Variants in GHR observed in about 807,000 individuals in gnomAD.
GHR encodes growth hormone receptor, also known as GH receptor.
In GHR, 35 loss-of-function variants were observed where a neutral mutation model predicts 67.1. The observed-to-expected ratio is 0.52, with a 90% CI of 0.40 to 0.69. GHR has a LOEUF of 0.69. Ranked by LOEUF, GHR falls within the 30% of genes least tolerant of loss-of-function variation. The probability of loss-of-function intolerance (pLI) is 0.00; values close to 1 mark genes in which losing one functional copy is unlikely to be tolerated. For missense variants in GHR, 792 were observed against 764.6 expected (o/e 1.04, Z -0.42); for synonymous variants, 272 against 269.1 (o/e 1.01, Z -0.10).
chr5:42,467,880 T>G (rs1744806356), intron 1 of GHR: 1 of 846,278 alleles, frequency 1.2e-6, no homozygotes, highest in African/African-American at 1.7e-5. Flanking sequence ...ACAGATTTCT[T>G]ACATTTCTGG....
intron 1 of GHR, among the ~76,000 whole-genome samples, chr5:42,515,724 A>G (rs1199827620): frequency 6.6e-6 from 1 of 152,246 alleles, no homozygotes; most frequent in Non-Finnish European, 1.5e-5. Context: ...TTAGCTGGAG[A>G]AAATTTAGTG....
chr5:42,427,875 T>C (rs1325579009), intron 1 of GHR, among the ~76,000 whole-genome samples: 1 of 152,194 alleles, frequency 6.6e-6, no homozygotes, highest in African/African-American at 2.4e-5. Context: ...AACCTTAAAG[T>C]TCTGAAATGA....
chr5:42,647,897 A>G (rs1208047519), intron 3 of GHR: 1 of 210,174 alleles, frequency 4.8e-6, no homozygotes, highest in East Asian at 1.4e-4. Context: ...TTATGCTCCC[A>G]TAAATTAAGT....
intron 1 of GHR, among the ~76,000 whole-genome samples, chr5:42,454,612 T>C (rs1744183798): frequency 4.6e-5 from 7 of 152,124 alleles, no homozygotes; most frequent in Admixed American, 4.6e-4. Flanking sequence ...GCTGCCTCTG[T>C]GGCACAGAAT....
intron 3 of GHR, among the ~76,000 whole-genome samples, chr5:42,679,104 T>C (rs1231587253): frequency 1.4e-5 from 2 of 145,192 alleles, no homozygotes; most frequent in East Asian, 1.9e-4. Context: ...TATGTATTAA[T>C]ATATTATTAT....
intron 3 of GHR, among the ~76,000 whole-genome samples, chr5:42,643,320 G>A (rs997080591): frequency 3.3e-5 from 5 of 152,168 alleles, no homozygotes; most frequent in Non-Finnish European, 2.9e-5. Flanking sequence ...CATTATAAAT[G>A]TCCAAGAGAA....
chr5:42,572,672 C>T (rs559085908), intron 2 of GHR, among the ~76,000 whole-genome samples: 1 of 152,286 alleles, frequency 6.6e-6, no homozygotes, highest in East Asian at 1.9e-4. Context: ...TCATCAGGTA[C>T]ATTTATCAGG....
chr5:42,598,112 A>T (rs749532004), intron 2 of GHR, among the ~76,000 whole-genome samples: 1 of 152,154 alleles, frequency 6.6e-6, no homozygotes, highest in Non-Finnish European at 1.5e-5. Context: ...AAGGGGAAAG[A>T]TGAGAGAGGG....
At chr5:42,519,159 C>G (rs1235782322) in intron 1 of GHR, among the ~76,000 whole-genome samples, 2 of 152,128 alleles carry the variant, frequency 1.3e-5, no homozygotes, top group African/African-American at 2.4e-5. Flanking sequence ...TGCTATAACC[C>G]TCTGTTTTCA....
At chr5:42,457,027 T>C (rs1341117645) in intron 1 of GHR, among the ~76,000 whole-genome samples, 5 of 152,202 alleles carry the variant, frequency 3.3e-5, no homozygotes, top group Non-Finnish European at 7.3e-5. Context: ...GGGATGTGAC[T>C]GGCTTTCCCT....
chr5:42,688,997 A>G lies in GHR; in HGVS notation c.244A>G (p.Ile82Val). ...VHHGTKNLGP[I>V]QLFYTRRNTQ... is the part of the protein sequence containing the mutation. ...TCATGGTACAAAGAACCTAGGACCC[A>G]TACAGCTGTTCTATACCAGAAGGTG... Residue 82 changes from isoleucine to valine, a missense_variant, in exon 4 of 10, where the codon ATA becomes GTA. Ile to Val is a conservative substitution (Grantham distance 29). Transcript: ENST00000230882. 1 of 1,613,942 alleles carries G rather than the reference A, an allele frequency of 6.2e-7. No homozygotes were observed. The highest frequency in any genetic ancestry group is 8.5e-7 in the Non-Finnish European group (1 of 1,179,770).
At chr5:42,537,437 T>G (rs1192249085) in intron 1 of GHR, among the ~76,000 whole-genome samples, 1 of 152,196 alleles carries the variant, frequency 6.6e-6, no homozygotes, top group African/African-American at 2.4e-5. Flanking sequence ...CAGGAGTAAC[T>G]TATTTAGTTT....
At chr5:42,518,748 C>G (rs1747348822) in intron 1 of GHR, among the ~76,000 whole-genome samples, 1 of 152,172 alleles carries the variant, frequency 6.6e-6, no homozygotes, top group Admixed American at 6.5e-5. Context: ...GGCATTTTGG[C>G]ATTCACAAGA....
chr5:42,471,569 C>T (rs1187047511), intron 1 of GHR, among the ~76,000 whole-genome samples: 1 of 152,134 alleles, frequency 6.6e-6, no homozygotes, highest in Non-Finnish European at 1.5e-5. Flanking sequence ...CTGCCTAGTT[C>T]GAATCCCAGC....
chr5:42,530,012 T>A (rs916197567), intron 1 of GHR, among the ~76,000 whole-genome samples: 2 of 149,616 alleles, frequency 1.3e-5, no homozygotes, highest in Non-Finnish European at 3.0e-5. Context: ...TTTTTTTTTT[T>A]TTTTTTTTTT....
At chr5:42,525,078 G>A (rs1202556115) in intron 1 of GHR, among the ~76,000 whole-genome samples, 2 of 152,198 alleles carry the variant, frequency 1.3e-5, no homozygotes, top group African/African-American at 4.8e-5. Flanking sequence ...TCCCTGCTGG[G>A]GCACTGCCTA....
intron 2 of GHR, among the ~76,000 whole-genome samples, chr5:42,582,049 T>C (rs961416665): frequency 1.3e-5 from 2 of 152,198 alleles, no homozygotes; most frequent in Non-Finnish European, 2.9e-5. Context: ...ACCAGCCCCC[T>C]GGCACATAGG....
chr5:42,581,493 A>T (rs940927353), intron 2 of GHR, among the ~76,000 whole-genome samples: 1 of 152,228 alleles, frequency 6.6e-6, no homozygotes, highest in Non-Finnish European at 1.5e-5. Flanking sequence ...AGGTTGCATT[A>T]AGCATATATT....
At chr5:42,609,924 C>A (rs1752809395) in intron 2 of GHR, among the ~76,000 whole-genome samples, 1 of 152,110 alleles carries the variant, frequency 6.6e-6, no homozygotes, top group East Asian at 1.9e-4. Context: ...GATAAATTGG[C>A]CTTAGTGACT....
Sources: gnomAD v4.1 joint callset for allele counts (sites outside exome capture counted in the v4.1 genomes callset) on GRCh38, gnomAD v4.1.1 for gene constraint, MANE v1.5 for transcripts, NCBI Gene and HGNC (gene_info 2026-07-23, HGNC 2026-07-21) for gene names.